TMEM87A: variants seen among roughly 807,000 people sequenced by gnomAD.
TMEM87A encodes the protein Golgi-pH regulating cation channel.
A neutral mutation model predicts 90.0 loss-of-function variants in TMEM87A; 50 were observed. That is an observed-to-expected ratio of 0.56 (90% CI 0.44 to 0.70). The LOEUF (loss-of-function observed/expected upper bound fraction) is 0.70, where lower values mean the gene tolerates loss of function less well. Ranked by LOEUF, TMEM87A falls within the 30% of genes least tolerant of loss-of-function variation. The pLI is 0.00. For missense variants in TMEM87A, 577 were observed against 660.5 expected (o/e 0.87, Z 1.39); for synonymous variants, 226 against 226.7 (o/e 1.00, Z 0.03).
At chr15:42,251,251 C>G (rs2051079595) in intron 6 of TMEM87A, among the ~76,000 whole-genome samples, 1 of 152,218 alleles carries the variant, frequency 6.6e-6, no homozygotes, top group Non-Finnish European at 1.5e-5. Context: ...GTCAACTCGT[C>G]AAATTCATTA....
chr15:42,235,697 T>C (rs2050757406), intron 10 of TMEM87A, among the ~76,000 whole-genome samples: 1 of 152,222 alleles, frequency 6.6e-6, no homozygotes, highest in Non-Finnish European at 1.5e-5. Context: ...AAGTCTCTGC[T>C]TAAATGTCAT....
At chr15:42,227,333 T>C (rs1039068682) in intron 14 of TMEM87A, among the ~76,000 whole-genome samples, 1 of 152,218 alleles carries the variant, frequency 6.6e-6, no homozygotes, top group African/African-American at 2.4e-5. Context: ...TCACAGTCGT[T>C]GAGCTCAGAT....
rs146446542 is a variant in TMEM87A at position 42,235,478 on chromosome 15, T to G, written c.968+842A>C. ...TGCTCCACACTTATTTCACCTAAGG[T>G]CTTCCTGAACTCAGTAAATCTTCAA... On this transcript the variant is annotated intron_variant, in intron 10 of 19. Transcript: ENST00000389834. Among the ~76,000 whole-genome samples the G allele has an allele frequency of 4.7e-3, 720 of 152,314 alleles. 4 individuals carry two copies. The highest frequency in any genetic ancestry group is 5.6e-3 in the Non-Finnish European group (381 of 68,022).
At chr15:42,266,206 G>A (rs988035733) in intron 3 of TMEM87A, among the ~76,000 whole-genome samples, 14 of 152,154 alleles carry the variant, frequency 9.2e-5, no homozygotes, top group African/African-American at 2.4e-4. Flanking sequence ...AAGTGTGGCC[G>A]TTGAACCATA....
At position 42,233,247 on chromosome 15, in the gene TMEM87A, A is replaced by T. The variant is rs2050716288; in HGVS notation, c.1028T>A (p.Phe343Tyr). Residue 343 changes from phenylalanine to tyrosine, a missense_variant, in exon 11 of 20, where the codon TTC becomes TAC. Phe to Tyr is a conservative substitution (Grantham distance 22, BLOSUM62 3). Transcript: ENST00000389834. The stretch of plus-strand genomic sequence containing the variant: ...TCTGAGGACCCCTTCCATGCCAGAG[A>T]ACAAAAGATAGAGGGCTCCTGCTAC... ...VVVAGALYLL[F>Y]SGMEGVLRVT... 1 of 1,613,960 alleles carries T rather than the reference A, an allele frequency of 6.2e-7. No homozygotes were observed. Among genetic ancestry groups the T allele is most frequent in the Admixed American group, 1.7e-5 (1 of 59,990 alleles).
In TMEM87A at chr15:42,226,694, C is replaced by T. The variant is rs2050601200; in HGVS notation, c.1403+112G>A. 1.0e-5 allele frequency: 9 copies of T among 864,858 alleles called. No homozygotes were observed. The Admixed American group carries it at 2.0e-4, about 19-fold the overall frequency. The allele number at this position is 864,858 out of a possible 1,614,324, so 53.6% of individuals were successfully genotyped here. On this transcript the variant is annotated intron_variant, in intron 15 of 19. Coordinates refer to ENST00000389834, the MANE Select transcript of TMEM87A (RefSeq NM_015497.5). ...AACCCAGTTCTTCTGATTCCAGGCC[C>T]AGTGTTCCTTCCACTATATGACACA...
At chr15:42,219,450 G>A (rs1427826863) in intron 17 of TMEM87A, 131 bp downstream of exon 17, 2 of 672,658 alleles carry the variant, frequency 3.0e-6, no homozygotes, top group Non-Finnish European at 5.0e-6. Flanking sequence ...TGTGCTTTTG[G>A]GGTCATATAC....
rs140721007 is a variant in TMEM87A, at chr15:42,233,392, T to C, written c.969-86A>G. ...TAACAGGAACTTGTGTTAATTAATATAGGCCAACAATTTAAAGCAATAAAT... is the reference window on the plus strand; with the variant it reads ...TAACAGGAACTTGTGTTAATTAATACAGGCCAACAATTTAAAGCAATAAAT... On this transcript the variant is annotated intron_variant, in intron 10 of 19. Coordinates refer to ENST00000389834, the MANE Select transcript of TMEM87A (RefSeq NM_015497.5). The C allele has an allele frequency of 2.9e-4, 276 of 960,434 alleles. 1 individual carries two copies. In the African/African-American group the frequency reaches 4.1e-3, roughly 14 times the overall value. 59.5% of individuals were successfully genotyped at this position (960,434 alleles called of 1,614,324 possible).
At chr15:42,226,561 T>G (rs2050598122) in intron 15 of TMEM87A, 1 of 421,766 alleles carries the variant, frequency 2.4e-6, no homozygotes. Flanking sequence ...AGGAACTTCA[T>G]GTTGCTGGGT....
intron 3 of TMEM87A, among the ~76,000 whole-genome samples, chr15:42,264,709 T>TTTTTTTTTTA (rs2051366915): frequency 1.6e-5 from 2 of 124,950 alleles, no homozygotes; most frequent in East Asian, 2.3e-4. Flanking sequence ...ATTTTTTTTT[T>TTTTTTTTTTA]AACTTTTATT....
chr15:42,248,597 A>G (rs2051023289), intron 6 of TMEM87A, among the ~76,000 whole-genome samples: 2 of 151,912 alleles, frequency 1.3e-5, no homozygotes, highest in African/African-American at 2.4e-5. Context: ...ATTGATTTGC[A>G]TATGTTGAAC....
At chr15:42,211,855 GTTAA>G (rs1386309973) in intron 19 of TMEM87A, 106 bp from the exon 20 acceptor site, 4 of 1,031,554 alleles carry the variant, frequency 3.9e-6, no homozygotes, top group Non-Finnish European at 4.3e-6. Flanking sequence ...AGTACTTTAT[GTTAA>G]TTAAATGTTT....
rs138041475 is a variant in TMEM87A, at chr15:42,227,567, G to A, written c.1299+144C>T. ...CATGATAGTACAGAATACTTAGGAG[G>A]AGGGAAGTATCACAACCCTCAGAGT... On this transcript the variant is annotated intron_variant, in intron 14 of 19. Coordinates refer to ENST00000389834, the MANE Select transcript of TMEM87A (RefSeq NM_015497.5). 971 of 642,840 alleles carry A rather than the reference G, an allele frequency of 1.5e-3. 4 individuals carry two copies. The highest frequency in any genetic ancestry group is 3.8e-3 in the Middle Eastern group (9 of 2,358). The allele number at this position is 642,840 out of a possible 1,614,324, so 39.8% of individuals were successfully genotyped here.
At chr15:42,224,245 A>T (rs1195823573) in intron 15 of TMEM87A, among the ~76,000 whole-genome samples, 1 of 152,208 alleles carries the variant, frequency 6.6e-6, no homozygotes, top group African/African-American at 2.4e-5. Context: ...TCAGCAACAG[A>T]GACAGTATGT....
intron 6 of TMEM87A, among the ~76,000 whole-genome samples, chr15:42,248,983 A>T (rs2051032342): frequency 6.6e-6 from 1 of 152,154 alleles, no homozygotes; most frequent in South Asian, 2.1e-4. Flanking sequence ...ATCTATTCAG[A>T]GATTCAACTT....
chr15:42,212,418 C>G (rs551573522), intron 19 of TMEM87A, among the ~76,000 whole-genome samples: 2 of 152,136 alleles, frequency 1.3e-5, no homozygotes, highest in Non-Finnish European at 2.9e-5. Context: ...TCAATCACAT[C>G]AGATAATCTA....
chr15:42,227,671 A>G (rs1026941895), intron 14 of TMEM87A, 40 bp downstream of exon 14: 2 of 1,570,142 alleles, frequency 1.3e-6, no homozygotes, highest in South Asian at 1.1e-5. Flanking sequence ...TCAGTTGTTT[A>G]TAAGACAGTA....
intron 6 of TMEM87A, among the ~76,000 whole-genome samples, chr15:42,245,970 T>A (rs2050964714): frequency 6.6e-6 from 1 of 152,250 alleles, no homozygotes; most frequent in Non-Finnish European, 1.5e-5. Flanking sequence ...ACAAGCACAA[T>A]GATGTGCAAA....
chr15:42,219,949 C>T (rs1360205020), intron 16 of TMEM87A, 113 bp downstream of exon 16: 5 of 1,023,200 alleles, frequency 4.9e-6, no homozygotes, highest in South Asian at 1.8e-5. Context: ...TTTTCTTAAC[C>T]CTGACTTCAT....
Sources: gnomAD v4.1 joint callset for allele counts (sites outside exome capture counted in the v4.1 genomes callset) on GRCh38, gnomAD v4.1.1 for gene constraint, MANE v1.5 for transcripts, NCBI Gene and HGNC (gene_info 2026-07-23, HGNC 2026-07-21) for gene names.